The following ZNF254 variants were observed in gnomAD, a reference collection of about 807,000 sequenced individuals.
ZNF254 encodes CTD-2017D11.1.
In ZNF254, 10 loss-of-function variants were observed where a neutral mutation model predicts 12.4. The observed-to-expected ratio is 0.80, with a 90% CI of 0.50 to 1.36. ZNF254 has a LOEUF of 1.36. Among genes scored for constraint, ZNF254 ranks in the 40% most tolerant of loss-of-function variants. The probability of loss-of-function intolerance (pLI) is 0.00; values close to 1 mark genes in which losing one functional copy is unlikely to be tolerated. For missense variants in ZNF254, 996 were observed against 763.9 expected, an observed-to-expected ratio of 1.30 and a Z score of -3.58; for synonymous variants, 305 against 253.4, an observed-to-expected ratio of 1.20 and a Z score of -1.93.
intron 2 of ZNF254, among the ~76,000 whole-genome samples, chr19:24,075,960 A>C (rs555327558): frequency 6.6e-6 from 1 of 152,332 alleles, no homozygotes; most frequent in Admixed American, 6.5e-5. Context: ...GAGAAGTATG[A>C]CTCTGTTCTG....
chr19:24,063,544 C>A (rs1188155143), intron 2 of ZNF254, among the ~76,000 whole-genome samples: 2 of 152,138 alleles, frequency 1.3e-5, no homozygotes, highest in Non-Finnish European at 1.5e-5. Flanking sequence ...TAGCCTGAGT[C>A]CAACGACCAG....
intron 2 of ZNF254, chr19:24,065,318 C>T (rs1971230775): frequency 6.6e-6 from 1 of 152,180 alleles, no homozygotes; most frequent in African/African-American, 2.4e-5. Context: ...CTATGCCCTG[C>T]TTTCAGGAGA....
intron 3 of ZNF254, among the ~76,000 whole-genome samples, chr19:24,112,504 G>C (rs965389723): frequency 1.0e-4 from 15 of 150,038 alleles, no homozygotes; most frequent in African/African-American, 3.7e-4. Flanking sequence ...TTGGTAGCTT[G>C]ATGGGGATGG....
intron 2 of ZNF254, among the ~76,000 whole-genome samples, chr19:24,057,619 G>A (rs947243359): frequency 6.6e-6 from 1 of 152,206 alleles, no homozygotes; most frequent in African/African-American, 2.4e-5. Context: ...CTTTTCACAT[G>A]AATACAATCC....
chr19:24,040,094 C>T (rs1021572579), intron 1 of ZNF254, among the ~76,000 whole-genome samples: 3 of 152,146 alleles, frequency 2.0e-5, no homozygotes, highest in Non-Finnish European at 4.4e-5. Flanking sequence ...AGAAGAGAAG[C>T]TGAGGGCCAA....
At chr19:24,064,911 A>T (rs1027182600) in intron 2 of ZNF254, among the ~76,000 whole-genome samples, 1 of 152,120 alleles carries the variant, frequency 6.6e-6, no homozygotes, top group Admixed American at 6.6e-5. Flanking sequence ...GAACTATTCT[A>T]ACACATCTTT....
chr19:24,069,698 A>G (rs559506459), intron 2 of ZNF254, among the ~76,000 whole-genome samples: 193 of 152,028 alleles, frequency 1.3e-3, no homozygotes, highest in Admixed American at 1.9e-3. Flanking sequence ...CACGCCTGTA[A>G]TCTCAGCACT....
intron 1 of ZNF254, among the ~76,000 whole-genome samples, chr19:24,034,491 T>G (rs1379689005): frequency 0.022 from 2,675 of 123,962 alleles, 42 homozygotes; most frequent in African/African-American, 0.075. Flanking sequence ...TAAGTGGGTT[T>G]TTTTTTTTTT....
rs143507044 is a variant in ZNF254, at chr19:24,050,311, C to T, written c.-94+4032C>T. 2.0e-3 allele frequency among the ~76,000 whole-genome samples: 311 copies of T among 152,060 alleles called. 1 individual carries two copies. Among genetic ancestry groups the T allele is most frequent in the African/African-American group, 7.2e-3 (300 of 41,452 alleles). ...AGTAGCTGAGACTACAGGTGTGTGC[C>T]GCCACGTCTGGCTGATTTTTGTGTT... On this transcript the variant is annotated intron_variant, in intron 2 of 4. Transcript: ENST00000613065.
At chr19:24,105,009 T>C (rs1237726494) in intron 1 of ZNF254, 1 of 152,264 alleles carries the variant, frequency 6.6e-6, no homozygotes, top group Non-Finnish European at 1.5e-5. Flanking sequence ...GAACTTCCCA[T>C]AAAACTGATG....
chr19:24,089,873 T>A (rs146429527), intron 1 of ZNF254, among the ~76,000 whole-genome samples: 2,605 of 151,576 alleles, frequency 0.017, 35 homozygotes, highest in Non-Finnish European at 0.029. Flanking sequence ...TAGTAAAAAA[T>A]TTCTAGAAAA....
At chr19:24,106,427 A>C in intron 2 of ZNF254, 121 bp from the exon 3 acceptor site, 1 of 726,748 alleles carries the variant, frequency 1.4e-6, no homozygotes, top group East Asian at 4.4e-5. Flanking sequence ...TTCTGTTATA[A>C]ATTAGTGTAT....
intron 3 of ZNF254, among the ~76,000 whole-genome samples, chr19:24,121,120 C>A (rs1053637495): frequency 1.3e-5 from 2 of 151,976 alleles, no homozygotes; most frequent in African/African-American, 4.8e-5. Context: ...TAGTTTTCAT[C>A]CTATTTTTAA....
At chr19:24,125,393 A>G (rs1297175048) in intron 3 of ZNF254, among the ~76,000 whole-genome samples, 1 of 151,878 alleles carries the variant, frequency 6.6e-6, no homozygotes, top group Non-Finnish European at 1.5e-5. Flanking sequence ...ATTACCAATT[A>G]TTAAAATTAA....
intron 2 of ZNF254, among the ~76,000 whole-genome samples, chr19:24,047,694 CTT>C (rs1049320475): frequency 1.1e-5 from 1 of 90,450 alleles, no homozygotes. Flanking sequence ...TTTTTCTTTT[CTT>C]TTTTTTTGGA....
chr19:24,049,216 T>TATATATATATATA (rs1568426573), intron 2 of ZNF254, among the ~76,000 whole-genome samples: 5 of 37,738 alleles, frequency 1.3e-4, no homozygotes, highest in African/African-American at 3.8e-4. Context: ...ATATATATAT[T>TATATATATATATA]TTTTTTTTTT....
chr19:24,049,073 CCTACCTAA>C (rs1446765305), intron 2 of ZNF254: 6 of 142,758 alleles, frequency 4.2e-5, no homozygotes, highest in Non-Finnish European at 7.8e-5. Flanking sequence ...TGTCTGTCTA[CCTACCTAA>C]CTACCTACCT....
In ZNF254 at chr19:24,077,622, C is replaced by T. The variant is rs547009823; in HGVS notation, c.-93-28318C>T. Among the ~76,000 whole-genome samples the T allele has an allele frequency of 9.5e-4, 144 of 152,296 alleles. 1 individual carries two copies. Among genetic ancestry groups the T allele is most frequent in the African/African-American group, 3.4e-3 (140 of 41,562 alleles). Reference sequence around the variant, plus strand: ...TCTATCTTATAACTGTTGAAAGTTACTTAGTGTAGTGTGAAGATGGGAATA... The same window carrying T: ...TCTATCTTATAACTGTTGAAAGTTATTTAGTGTAGTGTGAAGATGGGAATA... On this transcript the variant is annotated intron_variant, in intron 2 of 4. Coordinates refer to the ZNF254 transcript ENST00000613065.
At chr19:24,091,980 C>T (rs1221231811) in intron 1 of ZNF254, 6 of 238,006 alleles carry the variant, frequency 2.5e-5, no homozygotes, top group Admixed American at 6.6e-5. Context: ...CCCGGGTTCA[C>T]GCCGTTCTCA....
Sources: allele counts gnomAD v4.1 joint callset (sites outside exome capture counted in the v4.1 genomes callset), GRCh38; gene constraint gnomAD v4.1.1; transcripts MANE v1.5; gene names NCBI Gene and HGNC (gene_info 2026-07-23, HGNC 2026-07-21).